Variants in RABGAP1L observed in about 807,000 individuals in gnomAD.
RABGAP1L encodes RAB GTPase activating protein 1 like, also known as rab GTPase-activating protein 1-like.
RABGAP1L carries 63 observed loss-of-function variants against 137.7 expected under a neutral mutation model. The ratio of observed to expected loss-of-function variants is 0.46; its 90% CI spans 0.37 to 0.56. RABGAP1L has a LOEUF of 0.56. Among genes scored for constraint, RABGAP1L ranks in the 20% least tolerant of loss-of-function variants. The pLI, the probability that RABGAP1L is intolerant of heterozygous loss-of-function variation, is 0.00. For missense variants in RABGAP1L, 1,095 were observed against 1,244.0 expected (o/e 0.88, Z 1.80); for synonymous variants, 431 against 433.7 (o/e 0.99, Z 0.08).
At chr1:174,699,674 ATCAC>A in intron 16 of RABGAP1L, 24 bp downstream of exon 16, 1 of 1,576,832 alleles carries the variant, frequency 6.3e-7, no homozygotes, top group Non-Finnish European at 8.7e-7. Flanking sequence ...AGGAACTTTT[ATCAC>A]TCAGGGATTT....
At chr1:174,431,927 C>G (rs1652682018) in intron 13 of RABGAP1L, among the ~76,000 whole-genome samples, 1 of 151,880 alleles carries the variant, frequency 6.6e-6, no homozygotes. Flanking sequence ...TTTTTAAAAA[C>G]TTGGGATCAT....
At chr1:174,953,416 T>C (rs1668034457) in intron 19 of RABGAP1L, among the ~76,000 whole-genome samples, 1 of 152,246 alleles carries the variant, frequency 6.6e-6, no homozygotes, top group East Asian at 1.9e-4. Flanking sequence ...TTTACTGTTA[T>C]TGAAGGTCAC....
chr1:174,578,212 T>C (rs546304897), intron 13 of RABGAP1L, among the ~76,000 whole-genome samples: 2 of 152,320 alleles, frequency 1.3e-5, no homozygotes, highest in Non-Finnish European at 2.9e-5. Context: ...ATTGAGACAG[T>C]CTCACTCTGA....
At chr1:174,984,313 T>C (rs1458608025) in intron 24 of RABGAP1L, among the ~76,000 whole-genome samples, 2 of 152,236 alleles carry the variant, frequency 1.3e-5, no homozygotes, top group African/African-American at 4.8e-5. Context: ...AAAGGTTTTA[T>C]TGAGCATATA....
chr1:174,743,264 C>T (rs376964764), intron 17 of RABGAP1L, among the ~76,000 whole-genome samples: 6 of 151,942 alleles, frequency 3.9e-5, no homozygotes, highest in African/African-American at 1.2e-4. Flanking sequence ...AATGAGGGGC[C>T]CTCATCTCAT....
chr1:174,874,318 C>A, intron 19 of RABGAP1L: 1 of 203,528 alleles, frequency 4.9e-6, no homozygotes, highest in Non-Finnish European at 8.7e-6. Context: ...TTTCTATACC[C>A]ATGTGGAAAC....
At chr1:174,987,165 G>A (rs1371853862) in intron 24 of RABGAP1L, among the ~76,000 whole-genome samples, 1 of 151,962 alleles carries the variant, frequency 6.6e-6, no homozygotes, top group Non-Finnish European at 1.5e-5. Context: ...ACATGTCAGA[G>A]GAAGAAATTT....
rs1350427058 is a variant in RABGAP1L at position 174,250,519 on chromosome 1, T to C, written c.762T>C (p.Ser254=). The C allele has an allele frequency of 6.2e-7, 1 of 1,613,658 alleles. No homozygotes were observed. Among genetic ancestry groups the C allele is most frequent in the East Asian group, 2.2e-5 (1 of 44,858 alleles). ...LYSFCTAFKR[S]SRQVSDVKDS... ...GTTTCTGTACAGCATTCAAACGTTC[T>C]TCCAGACAAGTGTCTGATGTTAAAG... is the stretch of plus-strand genomic sequence containing the variant. The change falls in exon 6 of 26, where the codon TCT becomes TCC. Residue 254 remains serine, a synonymous_variant. Transcript: ENST00000681986.
chr1:174,242,724 T>C (rs1346723854), intron 5 of RABGAP1L, among the ~76,000 whole-genome samples: 1 of 152,232 alleles, frequency 6.6e-6, no homozygotes, highest in Non-Finnish European at 1.5e-5. Context: ...TCAGAACCCA[T>C]GCCTTCTGAA....
At chr1:174,617,790 G>A (rs1452607773) in intron 13 of RABGAP1L, among the ~76,000 whole-genome samples, 1 of 152,198 alleles carries the variant, frequency 6.6e-6, no homozygotes, top group Non-Finnish European at 1.5e-5. Flanking sequence ...CTCCCAGCGT[G>A]AGCGACGCAG....
At chr1:174,957,397 C>G (rs1385112422) in intron 19 of RABGAP1L, 60 bp from the exon 20 acceptor site, 4 of 1,374,368 alleles carry the variant, frequency 2.9e-6, no homozygotes, top group Non-Finnish European at 4.1e-6. Context: ...GCAAACACAC[C>G]TGAATTTTTT....
At chr1:174,254,115 T>A (rs1243601982) in intron 7 of RABGAP1L, among the ~76,000 whole-genome samples, 1 of 151,776 alleles carries the variant, frequency 6.6e-6, no homozygotes, top group African/African-American at 2.4e-5. Flanking sequence ...TTTTAGAAGG[T>A]AGGCTATCTA....
chr1:174,250,549 A>G lies in RABGAP1L; in HGVS notation c.792A>G (p.Ser264=). The change falls in exon 6 of 26, where the codon TCA becomes TCG. Residue 264 remains serine, a synonymous_variant. Transcript: ENST00000681986. ...GACAAGTGTCTGATGTTAAAGACTC[A>G]GTTATTCCTACCCCCGACAGTGATG... ...SSRQVSDVKD[S]VIPTPDSDVF... 1 of 1,613,762 alleles carries G rather than the reference A, an allele frequency of 6.2e-7. No homozygotes were observed. The highest frequency in any genetic ancestry group is 8.5e-7 in the Non-Finnish European group (1 of 1,179,708).
chr1:174,924,804 C>G (rs1039623338), intron 19 of RABGAP1L, among the ~76,000 whole-genome samples: 3 of 151,928 alleles, frequency 2.0e-5, no homozygotes, highest in Non-Finnish European at 4.4e-5. Flanking sequence ...CCGAGAATTC[C>G]CTACTTAGTA....
At chr1:174,398,198 G>T (rs755628770) in intron 13 of RABGAP1L, among the ~76,000 whole-genome samples, 15 of 152,134 alleles carry the variant, frequency 9.9e-5, no homozygotes, top group Non-Finnish European at 2.1e-4. Flanking sequence ...TTGGTGTCCA[G>T]AGTTTTTATT....
intron 13 of RABGAP1L, among the ~76,000 whole-genome samples, chr1:174,466,798 A>C (rs1351503180): frequency 6.6e-6 from 1 of 152,120 alleles, no homozygotes; most frequent in East Asian, 1.9e-4. Context: ...GCCCCCGAAA[A>C]AAGAGAGAGT....
chr1:174,329,100 A>G (rs1680802089), intron 11 of RABGAP1L, among the ~76,000 whole-genome samples: 1 of 151,826 alleles, frequency 6.6e-6, no homozygotes, highest in Admixed American at 6.6e-5. Flanking sequence ...ACAAACCTTT[A>G]TGCAGACTAA....
Position 174,969,353 on chromosome 1 carries a change from C to T in RABGAP1L, c.2510C>T (p.Thr837Ile). 1 of 1,550,578 alleles carries T rather than the reference C, an allele frequency of 6.4e-7. No homozygotes were observed. The highest frequency in any genetic ancestry group is 8.7e-7 in the Non-Finnish European group (1 of 1,146,908). The change falls in exon 21 of 26, where the codon ACA (threonine) becomes ATA (isoleucine). Residue 837 changes from threonine to isoleucine, a missense_variant. By Grantham distance (89) the Thr-to-Ile change is moderately conservative (BLOSUM62 -1). Coordinates refer to ENST00000681986, the MANE Select transcript of RABGAP1L (RefSeq NM_001366446.1). ...ENDDLAHELV[T>I]SKIALRNDLD... is the part of the protein sequence containing the mutation. ...GATGACCTTGCCCATGAACTAGTAACAAGCAAAATTGCTCTACGGAATGAC... is the reference window on the plus strand; with the variant it reads ...GATGACCTTGCCCATGAACTAGTAATAAGCAAAATTGCTCTACGGAATGAC...
chr1:174,503,524 G>A (rs1269051545), intron 13 of RABGAP1L, among the ~76,000 whole-genome samples: 1 of 151,884 alleles, frequency 6.6e-6, no homozygotes, highest in African/African-American at 2.4e-5. Context: ...AGCCAGATGT[G>A]GTGATGGGCT....
Sources: gnomAD v4.1 joint callset for allele counts (sites outside exome capture counted in the v4.1 genomes callset) on GRCh38, gnomAD v4.1.1 for gene constraint, MANE v1.5 for transcripts, NCBI Gene and HGNC (gene_info 2026-07-23, HGNC 2026-07-21) for gene names.